The following GLP1R variants were observed in gnomAD, a reference collection of about 807,000 sequenced individuals.
The protein encoded by GLP1R is glucagon like peptide 1 receptor.
A neutral mutation model predicts 68.4 loss-of-function variants in GLP1R; 32 were observed. That is an observed-to-expected ratio of 0.47 (90% CI 0.35 to 0.63). The LOEUF (loss-of-function observed/expected upper bound fraction) is 0.63. Ranked by LOEUF, GLP1R falls within the 20% of genes least tolerant of loss-of-function variation. The pLI is 0.00. For missense variants in GLP1R, 502 were observed against 594.9 expected, an observed-to-expected ratio of 0.84 and a Z score of 1.62; for synonymous variants, 263 against 244.4, an observed-to-expected ratio of 1.08 and a Z score of -0.71.
intron 5 of GLP1R, among the ~76,000 whole-genome samples, chr6:39,072,390 C>G (rs1768693583): frequency 6.6e-6 from 1 of 152,128 alleles, no homozygotes; most frequent in Admixed American, 6.5e-5. Context: ...AAGAAATGCC[C>G]CTGTACTTTC....
intron 5 of GLP1R, among the ~76,000 whole-genome samples, chr6:39,071,345 CAAAAAAAAAAAAAA>C (rs35740935): frequency 4.7e-5 from 4 of 85,926 alleles, no homozygotes; most frequent in Non-Finnish European, 8.8e-5. Flanking sequence ...GATTCCATCT[CAAAAAAAAAAAAAA>C]AAAAAAAAGA....
intron 7 of GLP1R, among the ~76,000 whole-genome samples, chr6:39,074,639 C>T (rs10305482): frequency 0.032 from 4,937 of 152,130 alleles, 260 homozygotes; most frequent in African/African-American, 0.11. Context: ...GCCCACCTCA[C>T]GCTGCTCTGA....
rs956357366 is a variant in GLP1R at position 39,057,866 on chromosome 6, T to C, written c.283+287T>C. On this transcript the variant is annotated intron_variant, in intron 3 of 12. Transcript: ENST00000373256. The stretch of plus-strand genomic sequence containing the variant: ...GTGGTGAGCCCCCTCCCTGACCTGG[T>C]ACCTGCCCTGGGTCAGCAGTGGTGA... Among the ~76,000 whole-genome samples, 13 of 151,952 alleles carry C rather than the reference T, an allele frequency of 8.6e-5. 1 individual carries two copies. The highest frequency in any genetic ancestry group is 2.0e-4 in the Admixed American group (3 of 15,268).
rs947473264 is a variant in GLP1R, at chr6:39,068,568, A to G, written c.509+2265A>G. Among the ~76,000 whole-genome samples the G allele has an allele frequency of 7.2e-5, 11 of 152,346 alleles. No individual in the cohort carries two copies. In the South Asian group the frequency reaches 2.3e-3, roughly 32 times the overall value. ...AGGTCTTCCTGGATTTCAAAGAAGT[A>G]ACTATGTTCCCTACAGCTCGTGCAC... On this transcript the variant is annotated intron_variant, in intron 5 of 12. Transcript: ENST00000373256.
intron 5 of GLP1R, among the ~76,000 whole-genome samples, chr6:39,070,711 A>AT (rs372112566): frequency 1.3e-5 from 2 of 151,694 alleles, no homozygotes; most frequent in African/African-American, 2.4e-5. Flanking sequence ...GAGATCAAGC[A>AT]TTTTTTTTCA....
At chr6:39,059,145 G>A (rs1267195622) in intron 3 of GLP1R, among the ~76,000 whole-genome samples, 1 of 152,238 alleles carries the variant, frequency 6.6e-6, no homozygotes, top group Non-Finnish European at 1.5e-5. Flanking sequence ...GGAGGCAGGA[G>A]CCTGGGCCCA....
At chr6:39,065,881 C>A (rs1325350396) in intron 4 of GLP1R, 52 bp downstream of exon 4, 1 of 1,101,300 alleles carries the variant, frequency 9.1e-7, no homozygotes, top group Admixed American at 1.7e-5. Context: ...TGTCTTGGAG[C>A]ACTTCACTGG....
intron 6 of GLP1R, 94 bp from the exon 7 acceptor site, chr6:39,073,516 T>A (rs1486452765): frequency 9.3e-7 from 1 of 1,074,994 alleles, no homozygotes; most frequent in African/African-American, 1.6e-5. Flanking sequence ...GCATTAACCA[T>A]GGCAGGATAG....
chr6:39,076,109 A>G (rs964958254), intron 7 of GLP1R, among the ~76,000 whole-genome samples: 2 of 152,184 alleles, frequency 1.3e-5, no homozygotes, highest in African/African-American at 4.8e-5. Flanking sequence ...GGCTGATAAC[A>G]TGGGTGAGTG....
Position 39,079,463 on chromosome 6 carries a change from C to T in GLP1R, c.1044-101C>T. 8.2e-7 allele frequency: 1 copy of T among 1,216,670 alleles called. No individual in the cohort carries two copies. 75.4% of individuals were successfully genotyped at this position (1,216,670 alleles called of 1,614,324 possible). A position where few individuals can be genotyped will look rare whatever the true frequency, so the allele number is the denominator to read the frequency against. ...TTGGGGTGGGAGAACATCCATGACC[C>T]AGATATCAGGACTTGGTAGGAAGTG... On this transcript the variant is annotated intron_variant, in intron 10 of 12. Coordinates refer to ENST00000373256, the MANE Select transcript of GLP1R (RefSeq NM_002062.5). This position sits in a 1 kb window ranked among gnomAD's most constrained non-coding sequence, Gnocchi z 4.5.
chr6:39,090,764 C>T lies in GLP1R; in HGVS notation c.*4691C>T, dbSNP rs1225364359. On this transcript the variant is annotated 3_prime_UTR_variant, in exon 13 of 13. Coordinates refer to ENST00000373256, the MANE Select transcript of GLP1R (RefSeq NM_002062.5). ...GCAATTCAGGACAAGAAAAACATAT[C>T]TAAATGAGAATGTTTAGATGTGGTG... Among the ~76,000 whole-genome samples the T allele has an allele frequency of 6.6e-6, 1 of 152,084 alleles. No individual in the cohort carries two copies. Among genetic ancestry groups the T allele is most frequent in the Non-Finnish European group, 1.5e-5 (1 of 68,008 alleles).
rs187262843 is a variant in GLP1R at position 39,076,235 on chromosome 6, A to C, written c.824-2087A>C. ...GAAATCGGCATGCTCTTGCCCAGACAATGTTCCTTCCCTTATTGGTGTGTT... is the reference window on the plus strand; with the variant it reads ...GAAATCGGCATGCTCTTGCCCAGACCATGTTCCTTCCCTTATTGGTGTGTT... On this transcript the variant is annotated intron_variant, in intron 7 of 12. Transcript: ENST00000373256. Among the ~76,000 whole-genome samples, 65 of 152,208 alleles carry C rather than the reference A, an allele frequency of 4.3e-4. No individual in the cohort carries two copies. In the East Asian group the frequency reaches 7.2e-3, roughly 17 times the overall value.
In GLP1R at chr6:39,072,931, C is replaced by A. The variant is rs143390990; in HGVS notation, c.579C>A (p.Ser193=). 11 of 1,613,948 alleles carry A rather than the reference C, an allele frequency of 6.8e-6. No homozygotes were observed. Among genetic ancestry groups the A allele is most frequent in the Non-Finnish European group, 9.3e-6 (11 of 1,179,940 alleles). ...CATCCTTCATCCTGCGAGCATTGTC[C>A]GTCTTCATCAAGGACGCAGCCCTGA... ...LFASFILRAL[S]VFIKDAALKW... is the part of the protein sequence containing the mutation. The change falls in exon 6 of 13, where the codon TCC becomes TCA. Residue 193 remains serine, a synonymous_variant. Transcript: ENST00000373256.
At chr6:39,073,041 C>T in intron 6 of GLP1R, 26 bp downstream of exon 6, 2 of 1,604,300 alleles carry the variant, frequency 1.2e-6, no homozygotes, top group South Asian at 2.2e-5. Context: ...AGGACCGCCT[C>T]AGGAGGGATG....
At chr6:39,051,725 G>A (rs1162347754) in intron 1 of GLP1R, among the ~76,000 whole-genome samples, 1 of 152,078 alleles carries the variant, frequency 6.6e-6, no homozygotes, top group East Asian at 1.9e-4. Context: ...TAGGCTATAT[G>A]AACCCCCAGT....
At chr6:39,065,690 G>C (rs1400427581) in intron 3 of GLP1R, 21 bp from the exon 4 acceptor site, 18 of 1,496,138 alleles carry the variant, frequency 1.2e-5, no homozygotes, top group South Asian at 9.6e-5. Flanking sequence ...TGAGGCTCAG[G>C]GCCAGGTCTC....
intron 3 of GLP1R, among the ~76,000 whole-genome samples, chr6:39,062,816 G>A (rs1768383753): frequency 6.6e-6 from 1 of 152,220 alleles, no homozygotes. Flanking sequence ...GCTTCTCAGA[G>A]GCTCAGTTTC....
rs192818467 is a variant in GLP1R, at chr6:39,091,170, A to C, written c.*5097A>C. 1.4e-3 allele frequency among the ~76,000 whole-genome samples: 215 copies of C among 152,282 alleles called. 2 individuals are homozygous for C. Among genetic ancestry groups the C allele is most frequent in the African/African-American group, 4.8e-3 (198 of 41,562 alleles). ...TTTCCAGGTGATTTCTTAACATATA[A>C]ATTCCTGCAAAATAGGACCAGCTTC... is the stretch of plus-strand genomic sequence containing the variant. On this transcript the variant is annotated 3_prime_UTR_variant, in exon 13 of 13. Coordinates refer to ENST00000373256, the MANE Select transcript of GLP1R (RefSeq NM_002062.5).
intron 12 of GLP1R, among the ~76,000 whole-genome samples, chr6:39,083,135 T>C (rs1014050730): frequency 6.6e-6 from 1 of 152,174 alleles, no homozygotes; most frequent in East Asian, 1.9e-4. Context: ...TGACCAGGCC[T>C]GGCTACAGAC....
Sources: gnomAD v4.1 joint callset for allele counts (sites outside exome capture counted in the v4.1 genomes callset) on GRCh38, gnomAD v4.1.1 for gene constraint, Gnocchi (gnomAD v3.1) non-coding constraint, MANE v1.5 for transcripts, NCBI Gene and HGNC (gene_info 2026-07-23, HGNC 2026-07-21) for gene names.